CCSER1: variants seen among roughly 807,000 people sequenced by gnomAD.
CCSER1 encodes the protein coiled-coil serine rich protein 1, also known as serine-rich coiled-coil domain-containing protein 1.
Under a neutral mutation model 82.0 loss-of-function variants are expected in CCSER1, and 41 were observed. The ratio of observed to expected loss-of-function variants is 0.50; its 90% CI spans 0.39 to 0.65. The LOEUF (loss-of-function observed/expected upper bound fraction) is 0.65. CCSER1 is among the 30% of genes least tolerant of loss of function. The pLI is 0.00. For synonymous variants in CCSER1, 414 were observed against 383.9 expected (o/e 1.08, Z -0.92); for missense variants, 1,119 against 1,064.2 (o/e 1.05, Z -0.72).
chr4:91,341,691 A>G (rs938403752), intron 10 of CCSER1, among the ~76,000 whole-genome samples: 3 of 152,018 alleles, frequency 2.0e-5, no homozygotes, highest in Non-Finnish European at 4.4e-5. Context: ...CCAGACATGC[A>G]CTACCACCCC....
In CCSER1 at chr4:91,553,797, T is replaced by G. The variant is rs561802511; in HGVS notation, c.2218-44775T>G. On this transcript the variant is annotated intron_variant, in intron 10 of 10. Coordinates refer to ENST00000509176, the MANE Select transcript of CCSER1 (RefSeq NM_001145065.2). ...CTCTTTCATGTATAATTTTATTGAT[T>G]TATATATCCACTCTTTTTTCTTTTA... Among the ~76,000 whole-genome samples, 11 of 151,210 alleles carry G rather than the reference T, an allele frequency of 7.3e-5. No individual in the cohort carries two copies. In the South Asian group the frequency reaches 2.1e-3, roughly 29 times the overall value.
At chr4:91,111,598 AAAAAT>A (rs555757348) in intron 10 of CCSER1, among the ~76,000 whole-genome samples, 5 of 151,936 alleles carry the variant, frequency 3.3e-5, no homozygotes, top group South Asian at 2.1e-4. Flanking sequence ...TTTGAATTTT[AAAAAT>A]AAAATAAAGA....
At chr4:91,132,695 G>A (rs982872267) in intron 10 of CCSER1, among the ~76,000 whole-genome samples, 4 of 152,148 alleles carry the variant, frequency 2.6e-5, no homozygotes, top group African/African-American at 9.7e-5. Flanking sequence ...AGATTTGGAT[G>A]CTTATTTTAA....
intron 10 of CCSER1, among the ~76,000 whole-genome samples, chr4:91,192,838 CTCAG>C (rs1342041785): frequency 6.6e-6 from 1 of 152,026 alleles, no homozygotes; most frequent in Non-Finnish European, 1.5e-5. Flanking sequence ...CTACAATAGA[CTCAG>C]TGTCTCTGCT....
intron 5 of CCSER1, among the ~76,000 whole-genome samples, chr4:90,569,234 A>G (rs188618385): frequency 6.0e-5 from 9 of 149,918 alleles, no homozygotes; most frequent in Admixed American, 2.7e-4. Flanking sequence ...ACAAAATAAG[A>G]AAAAAAAAAC....
At chr4:91,268,753 A>G (rs1741805830) in intron 10 of CCSER1, among the ~76,000 whole-genome samples, 1 of 152,226 alleles carries the variant, frequency 6.6e-6, no homozygotes, top group African/African-American at 2.4e-5. Flanking sequence ...GCGGGGTCAC[A>G]AGGTGCTCAG....
At chr4:90,656,644 AT>A (rs1473606159) in intron 6 of CCSER1, among the ~76,000 whole-genome samples, 1 of 151,788 alleles carries the variant, frequency 6.6e-6, no homozygotes, top group Non-Finnish European at 1.5e-5. Context: ...TCATATTTGT[AT>A]TTAATGTAAC....
chr4:90,669,033 T>C (rs1732312396), intron 6 of CCSER1, among the ~76,000 whole-genome samples: 1 of 151,984 alleles, frequency 6.6e-6, no homozygotes, highest in African/African-American at 2.4e-5. Context: ...TACCAGAAGC[T>C]TGGCAATCAA....
chr4:90,553,914 A>G (rs1418315084), intron 5 of CCSER1, among the ~76,000 whole-genome samples: 1 of 152,266 alleles, frequency 6.6e-6, no homozygotes, highest in Non-Finnish European at 1.5e-5. Flanking sequence ...TCACCAACTT[A>G]TCAAATAGAA....
intron 10 of CCSER1, among the ~76,000 whole-genome samples, chr4:91,103,345 C>CA (rs1198187160): frequency 6.6e-6 from 1 of 152,172 alleles, no homozygotes; most frequent in African/African-American, 2.4e-5. Flanking sequence ...AGGGGCCCCT[C>CA]AGTTCCTTCC....
intron 10 of CCSER1, among the ~76,000 whole-genome samples, chr4:91,157,801 C>T (rs189712261): frequency 1.3e-5 from 2 of 151,954 alleles, no homozygotes; most frequent in Non-Finnish European, 2.9e-5. Context: ...TTACAGGTAG[C>T]ATAATAAATG....
At chr4:90,964,273 G>T (rs1377326234) in intron 9 of CCSER1, among the ~76,000 whole-genome samples, 1 of 151,996 alleles carries the variant, frequency 6.6e-6, no homozygotes, top group East Asian at 1.9e-4. Flanking sequence ...CATAAATTGT[G>T]ATTTTTTTTG....
intron 4 of CCSER1, among the ~76,000 whole-genome samples, chr4:90,413,141 A>G (rs974908949): frequency 2.6e-5 from 4 of 152,198 alleles, no homozygotes; most frequent in African/African-American, 7.2e-5. Context: ...TAGCCCTTCT[A>G]TACACCAACA....
intron 10 of CCSER1, among the ~76,000 whole-genome samples, chr4:91,150,715 G>A (rs1560469751): frequency 1.3e-5 from 2 of 151,706 alleles, no homozygotes; most frequent in South Asian, 2.1e-4. Context: ...TTTGTAGAAG[G>A]CCTTTTCTGC....
At chr4:90,888,125 A>G (rs891788643) in intron 8 of CCSER1, among the ~76,000 whole-genome samples, 6 of 152,226 alleles carry the variant, frequency 3.9e-5, no homozygotes, top group African/African-American at 1.4e-4. Context: ...GATAGTAAAT[A>G]CACAACTACA....
At chr4:91,139,934 G>C (rs183680042) in intron 10 of CCSER1, among the ~76,000 whole-genome samples, 24 of 152,182 alleles carry the variant, frequency 1.6e-4, no homozygotes, top group African/African-American at 4.8e-4. Context: ...ACTTGTTCAT[G>C]AGAAAAAGTT....
At chr4:90,695,357 G>A (rs1736820172) in intron 6 of CCSER1, among the ~76,000 whole-genome samples, 1 of 151,800 alleles carries the variant, frequency 6.6e-6, no homozygotes, top group Admixed American at 6.6e-5. Context: ...CTAAATCATT[G>A]ACCTGTAGAA....
intron 5 of CCSER1, among the ~76,000 whole-genome samples, chr4:90,561,884 T>C (rs1173548451): frequency 6.6e-6 from 1 of 152,004 alleles, no homozygotes; most frequent in Non-Finnish European, 1.5e-5. Flanking sequence ...TAGGAAGGGA[T>C]TTGACTGTAA....
chr4:91,226,933 A>T (rs1218278783), intron 10 of CCSER1, among the ~76,000 whole-genome samples: 1 of 151,854 alleles, frequency 6.6e-6, no homozygotes, highest in Non-Finnish European at 1.5e-5. Flanking sequence ...TCATCTGTAA[A>T]ATGGTCATAA....
Sources: gnomAD v4.1 joint callset for allele counts (sites outside exome capture counted in the v4.1 genomes callset) on GRCh38, gnomAD v4.1.1 for gene constraint, MANE v1.5 for transcripts, NCBI Gene and HGNC (gene_info 2026-07-23, HGNC 2026-07-21) for gene names.